Variants in FILIP1 observed in about 807,000 individuals in gnomAD.
FILIP1 encodes the protein filamin A interacting protein 1, also known as filamin-A-interacting protein 1.
FILIP1 carries 61 observed loss-of-function variants against 102.1 expected under a neutral mutation model. The ratio of observed to expected loss-of-function variants is 0.60; its 90% CI spans 0.49 to 0.74. FILIP1 has a LOEUF of 0.74. Ranked by LOEUF, FILIP1 falls within the 30% of genes least tolerant of loss-of-function variation. FILIP1 has a pLI of 0.00. For synonymous variants in FILIP1, 491 were observed against 526.9 expected, an observed-to-expected ratio of 0.93 and a Z score of 0.93; for missense variants, 1,314 against 1,441.2, an observed-to-expected ratio of 0.91 and a Z score of 1.43.
At chr6:75,338,731 T>G (rs999732957) in intron 4 of FILIP1, among the ~76,000 whole-genome samples, 4 of 152,142 alleles carry the variant, frequency 2.6e-5, no homozygotes, top group African/African-American at 9.7e-5. Context: ...ATTCCCAGAG[T>G]TTTTTATTCC....
At chr6:75,298,779 G>A (rs117421746) in intron 6 of FILIP1, among the ~76,000 whole-genome samples, 183 of 152,144 alleles carry the variant, frequency 1.2e-3, no homozygotes, top group Non-Finnish European at 1.8e-3. Context: ...TAAGCTGGGC[G>A]TGGTGGTGTG....
chr6:75,467,252 G>T (rs958859097), intron 1 of FILIP1, among the ~76,000 whole-genome samples: 4 of 152,056 alleles, frequency 2.6e-5, no homozygotes, highest in African/African-American at 9.7e-5. Context: ...AATTGATGTA[G>T]AAGGAACTAT....
intron 1 of FILIP1, among the ~76,000 whole-genome samples, chr6:75,440,390 T>C (rs1436633435): frequency 6.6e-6 from 1 of 152,146 alleles, no homozygotes; most frequent in Non-Finnish European, 1.5e-5. Context: ...AAGCCTGTGA[T>C]TGTGCAGGAA....
chr6:75,386,011 G>A (rs1776083454), intron 2 of FILIP1: 1 of 152,000 alleles, frequency 6.6e-6, no homozygotes, highest in Non-Finnish European at 1.5e-5. Context: ...ATTAATAGCT[G>A]GAAAGTTTCA....
chr6:75,441,652 G>A (rs1778240847), intron 1 of FILIP1, among the ~76,000 whole-genome samples: 1 of 145,876 alleles, frequency 6.9e-6, no homozygotes, highest in Non-Finnish European at 1.5e-5. Context: ...GGCTGGCCGG[G>A]CGGGGGGCTG....
chr6:75,308,911 A>G lies in FILIP1; in HGVS notation c.3436-14T>C. On this transcript the variant is annotated splice_polypyrimidine_tract_variant and intron_variant, in intron 5 of 5. Transcript: ENST00000237172. ...GTCTTGTCCTGACTGTAAGAGAGAAAATACGTAGATACAAGGGAGATGTTG... is the reference window on the plus strand; with the variant it reads ...GTCTTGTCCTGACTGTAAGAGAGAAGATACGTAGATACAAGGGAGATGTTG... 1 of 1,613,456 alleles carries G rather than the reference A, an allele frequency of 6.2e-7. No individual in the cohort carries two copies.
intron 1 of FILIP1, among the ~76,000 whole-genome samples, chr6:75,437,628 C>T (rs1430023976): frequency 2.0e-5 from 3 of 152,164 alleles, no homozygotes; most frequent in African/African-American, 7.2e-5. Flanking sequence ...AAGATATATA[C>T]AAACAAATGG....
intron 2 of FILIP1, among the ~76,000 whole-genome samples, chr6:75,372,227 C>T (rs961141765): frequency 6.6e-6 from 1 of 151,554 alleles, no homozygotes; most frequent in African/African-American, 2.4e-5. Flanking sequence ...ATTAGCTGGG[C>T]GTGATGGTGC....
chr6:75,337,571 G>A (rs2149585567), intron 4 of FILIP1, among the ~76,000 whole-genome samples: 1 of 151,994 alleles, frequency 6.6e-6, no homozygotes, highest in East Asian at 1.9e-4. Context: ...AGCAGAGCAG[G>A]GTGTGCTCCA....
intron 2 of FILIP1, among the ~76,000 whole-genome samples, chr6:75,369,749 G>T (rs571749767): frequency 6.6e-6 from 1 of 152,164 alleles, no homozygotes; most frequent in Non-Finnish European, 1.5e-5. Context: ...AAGACTTGGG[G>T]TAGATGATAA....
At chr6:75,374,671 T>C (rs1775695416) in intron 2 of FILIP1, among the ~76,000 whole-genome samples, 1 of 152,172 alleles carries the variant, frequency 6.6e-6, no homozygotes, top group Non-Finnish European at 1.5e-5. Flanking sequence ...CGAGTCACTG[T>C]GCCGGGCCAG....
intron 1 of FILIP1, among the ~76,000 whole-genome samples, chr6:75,434,656 T>C (rs1777950771): frequency 6.6e-6 from 1 of 152,216 alleles, no homozygotes; most frequent in Non-Finnish European, 1.5e-5. Context: ...GACTTCCTCT[T>C]TTCCTAATTG....
chr6:75,449,659 A>T (rs1398182054), intron 1 of FILIP1, among the ~76,000 whole-genome samples: 1 of 152,048 alleles, frequency 6.6e-6, no homozygotes, highest in Non-Finnish European at 1.5e-5. Flanking sequence ...AAAATTGATG[A>T]AACCTGAACA....
At chr6:75,377,826 C>T (rs2149636417) in intron 2 of FILIP1, among the ~76,000 whole-genome samples, 1 of 152,288 alleles carries the variant, frequency 6.6e-6, no homozygotes. Context: ...GTTTAGATTC[C>T]AAGAGATATT....
intron 1 of FILIP1, among the ~76,000 whole-genome samples, chr6:75,455,474 A>C (rs1232587044): frequency 6.6e-6 from 1 of 152,200 alleles, no homozygotes; most frequent in African/African-American, 2.4e-5. Flanking sequence ...CTAAAGAAGA[A>C]AAATTTTTAA....
chr6:75,321,703 A>T (rs1773665800), intron 4 of FILIP1, among the ~76,000 whole-genome samples: 1 of 152,102 alleles, frequency 6.6e-6, no homozygotes. Flanking sequence ...CTGAGGCAGG[A>T]GAATGGCGTG....
At chr6:75,386,867 A>C (rs1489930542) in intron 2 of FILIP1, among the ~76,000 whole-genome samples, 1 of 152,064 alleles carries the variant, frequency 6.6e-6, no homozygotes, top group African/African-American at 2.4e-5. Flanking sequence ...ATTATACTTT[A>C]AGTTCTGAGA....
chr6:75,295,987 A>G, intron 6 of FILIP1: 2 of 1,358,822 alleles, frequency 1.5e-6, no homozygotes, highest in East Asian at 2.9e-5. Context: ...TTTCAATTAA[A>G]CTGAAACTGA....
At chr6:75,372,695 GA>G (rs1401928570) in intron 2 of FILIP1, among the ~76,000 whole-genome samples, 16 of 28,350 alleles carry the variant, frequency 5.6e-4, no homozygotes, top group African/African-American at 2.5e-3. Context: ...GAGAAAGAAA[GA>G]GAAAGAAAGA....
Sources: gnomAD v4.1 joint callset for allele counts (sites outside exome capture counted in the v4.1 genomes callset) on GRCh38, gnomAD v4.1.1 for gene constraint, MANE v1.5 for transcripts, NCBI Gene and HGNC (gene_info 2026-07-23, HGNC 2026-07-21) for gene names.